Variants in RAPGEF1 observed in about 807,000 individuals in gnomAD.
RAPGEF1 encodes Rap guanine nucleotide exchange factor 1.
A neutral mutation model predicts 143.3 loss-of-function variants in RAPGEF1; 33 were observed. That is an observed-to-expected ratio of 0.23 (90% CI 0.17 to 0.31). The LOEUF (loss-of-function observed/expected upper bound fraction) is 0.31. Among genes scored for constraint, RAPGEF1 ranks in the 10% least tolerant of loss-of-function variants. RAPGEF1 has a pLI of 1.00. For missense variants in RAPGEF1, 1,199 were observed against 1,645.4 expected (o/e 0.73, Z 4.69); for synonymous variants, 629 against 676.5 (o/e 0.93, Z 1.09).
intron 4 of RAPGEF1, among the ~76,000 whole-genome samples, chr9:131,642,966 G>A (rs971614778): frequency 6.6e-6 from 1 of 152,164 alleles, no homozygotes; most frequent in East Asian, 1.9e-4. Context: ...CTGGCTTGAC[G>A]CAGTTAAGTT....
intron 12 of RAPGEF1, among the ~76,000 whole-genome samples, chr9:131,606,529 C>T (rs1237971505): frequency 6.6e-6 from 1 of 152,184 alleles, no homozygotes; most frequent in East Asian, 1.9e-4. Context: ...GCCACTCGCT[C>T]AAACATTCTC....
chr9:131,714,734 G>A (rs1374094652), intron 1 of RAPGEF1, among the ~76,000 whole-genome samples: 1 of 130,948 alleles, frequency 7.6e-6, no homozygotes. Flanking sequence ...TTTTGAGACA[G>A]TCTCCCTCTG....
chr9:131,683,219 G>A (rs1484032164), intron 1 of RAPGEF1, among the ~76,000 whole-genome samples: 2 of 152,166 alleles, frequency 1.3e-5, no homozygotes, highest in Non-Finnish European at 2.9e-5. Context: ...TTTGATGGTG[G>A]CCATTGTTAA....
At chr9:131,579,882 C>T (rs1329990593) in intron 26 of RAPGEF1, among the ~76,000 whole-genome samples, 1 of 152,226 alleles carries the variant, frequency 6.6e-6, no homozygotes, top group Non-Finnish European at 1.5e-5. Flanking sequence ...AGGGAGGGGG[C>T]CCCAGGTGAT....
At position 131,655,556 on chromosome 9, in the gene RAPGEF1, T is replaced by G. The variant is rs944175172; in HGVS notation, c.62-4607A>C. ...ATACTTCCTTCTTTATACTTCAACA[T>G]GGATGTGAACAGTCTAATCCTTCAT... On this transcript the variant is annotated intron_variant, in intron 1 of 26. Transcript: ENST00000683357. This position sits in a 1 kb window ranked among gnomAD's most constrained non-coding sequence, Gnocchi z 4.1. 1.3e-5 allele frequency among the ~76,000 whole-genome samples: 2 copies of G among 152,222 alleles called. No individual in the cohort carries two copies. Among genetic ancestry groups the G allele is most frequent in the East Asian group, 1.9e-4 (1 of 5,200 alleles).
chr9:131,712,558 G>A (rs975441099), intron 1 of RAPGEF1, among the ~76,000 whole-genome samples: 1 of 152,202 alleles, frequency 6.6e-6, no homozygotes, highest in Admixed American at 6.5e-5. Context: ...AGCCCCTGAA[G>A]TCAGGAGCCG....
In RAPGEF1 at chr9:131,584,264, GC is replaced by G. The variant is rs1445196418; in HGVS notation, c.3414+46del. The G allele has an allele frequency of 9.9e-6, 15 of 1,515,684 alleles. No individual in the cohort carries two copies. The highest frequency in any genetic ancestry group is 5.7e-5 in the Admixed American group (3 of 52,646). 93.9% of individuals were successfully genotyped at this position (1,515,684 alleles called of 1,614,324 possible). On this transcript the variant is annotated intron_variant, in intron 24 of 26. Transcript: ENST00000683357. This position sits in a 1 kb window ranked among gnomAD's most constrained non-coding sequence, Gnocchi z 6.8. ...CAGCTAGTCGCCTGAGGGCTGGGCG[GC>G]CCCCCTTACCAGCCACCCTCCCGCC...
chr9:131,715,663 A>C (rs1423951153), intron 1 of RAPGEF1, among the ~76,000 whole-genome samples: 1 of 152,018 alleles, frequency 6.6e-6, no homozygotes, highest in East Asian at 1.9e-4. Flanking sequence ...CAGGAGATAG[A>C]GACCATCCTG....
At chr9:131,693,945 TTCTC>T (rs368109010) in intron 1 of RAPGEF1, among the ~76,000 whole-genome samples, 29 of 149,908 alleles carry the variant, frequency 1.9e-4, no homozygotes, top group Non-Finnish European at 3.1e-4. Flanking sequence ...CTCAATCAGT[TTCTC>T]TCTCTCTCTC....
chr9:131,587,261 A>G (rs191829838), intron 22 of RAPGEF1, among the ~76,000 whole-genome samples: 679 of 43,124 alleles, frequency 0.016, 104 homozygotes, highest in African/African-American at 0.037. Context: ...GCGAGACTCC[A>G]TCTCAAACAC....
At chr9:131,586,747 G>A (rs1401086165) in intron 22 of RAPGEF1, among the ~76,000 whole-genome samples, 1 of 93,324 alleles carries the variant, frequency 1.1e-5, no homozygotes, top group Non-Finnish European at 2.0e-5. Context: ...CACACCTGCA[G>A]AGCGAGACTC....
intron 1 of RAPGEF1, among the ~76,000 whole-genome samples, chr9:131,698,601 G>C (rs1343514143): frequency 1.3e-5 from 2 of 152,254 alleles, no homozygotes; most frequent in East Asian, 3.8e-4. Flanking sequence ...CGGGTAGAAG[G>C]AGGGGGCAGG....
intron 1 of RAPGEF1, among the ~76,000 whole-genome samples, chr9:131,710,627 G>A (rs1187533359): frequency 1.3e-5 from 2 of 152,080 alleles, no homozygotes; most frequent in African/African-American, 2.4e-5. Flanking sequence ...GGTGGCTCAC[G>A]CCTGTAATCC....
chr9:131,614,555 G>C (rs905148978), intron 12 of RAPGEF1, among the ~76,000 whole-genome samples: 3 of 152,230 alleles, frequency 2.0e-5, no homozygotes, highest in Non-Finnish European at 2.9e-5. Context: ...AAGAGTGAGT[G>C]AGTGAGAGGC....
At chr9:131,724,654 G>A (rs1222027525) in intron 1 of RAPGEF1, among the ~76,000 whole-genome samples, 2 of 152,076 alleles carry the variant, frequency 1.3e-5, no homozygotes, top group Admixed American at 6.6e-5. Flanking sequence ...CAGCATCCAC[G>A]GCCTGGTAAA....
intron 5 of RAPGEF1, among the ~76,000 whole-genome samples, chr9:131,633,675 C>T (rs1965554745): frequency 6.6e-6 from 1 of 152,186 alleles, no homozygotes; most frequent in Non-Finnish European, 1.5e-5. Context: ...AATGACGCTC[C>T]CTACACTAGC....
chr9:131,654,794 A>G (rs1045356983), intron 1 of RAPGEF1, among the ~76,000 whole-genome samples: 14 of 152,244 alleles, frequency 9.2e-5, no homozygotes, highest in Non-Finnish European at 2.1e-4. Context: ...GAAGATAATC[A>G]GTAAACATAT....
chr9:131,734,965 A>G (rs920446402), intron 1 of RAPGEF1, among the ~76,000 whole-genome samples: 1 of 152,232 alleles, frequency 6.6e-6, no homozygotes, highest in African/African-American at 2.4e-5. Context: ...CAGGAGCTAC[A>G]GCGCTGGCAG....
intron 1 of RAPGEF1, among the ~76,000 whole-genome samples, chr9:131,693,673 A>C (rs1386202253): frequency 1.3e-5 from 2 of 152,144 alleles, no homozygotes; most frequent in Non-Finnish European, 2.9e-5. Context: ...TCAATTCTGG[A>C]ATCACAAGTA....
Sources: allele counts gnomAD v4.1 joint callset (sites outside exome capture counted in the v4.1 genomes callset), GRCh38; gene constraint gnomAD v4.1.1; non-coding constraint Gnocchi (gnomAD v3.1); transcripts MANE v1.5; gene names NCBI Gene and HGNC (gene_info 2026-07-23, HGNC 2026-07-21).